The following SDHA variants were observed in gnomAD, a reference collection of about 807,000 sequenced individuals.
SDHA encodes the protein succinate dehydrogenase complex flavoprotein subunit A.
A neutral mutation model predicts 78.4 loss-of-function variants in SDHA; 48 were observed. That is an observed-to-expected ratio of 0.61 (90% CI 0.49 to 0.78). The LOEUF (loss-of-function observed/expected upper bound fraction) is 0.78, where lower values mean the gene tolerates loss of function less well. SDHA is among the 30% of genes least tolerant of loss of function. The probability of loss-of-function intolerance (pLI) is 0.00; values close to 1 mark genes in which losing one functional copy is unlikely to be tolerated. For missense variants in SDHA, 680 were observed against 892.7 expected (o/e 0.76, Z 3.04); for synonymous variants, 326 against 353.9 (o/e 0.92, Z 0.88).
chr5:234,491 A>G (rs1017559212), intron 8 of SDHA: 2 of 153,678 alleles, frequency 1.3e-5, no homozygotes, highest in African/African-American at 4.9e-5. Context: ...CTCCGTACCC[A>G]TTGGTTCCAC....
At chr5:223,639 G>T (rs1734840706) in intron 2 of SDHA, 71 bp downstream of exon 2, 18 of 1,129,322 alleles carry the variant, frequency 1.6e-5, no homozygotes, top group South Asian at 3.7e-5. Flanking sequence ...ATACCAGTTT[G>T]TTTTCATATG....
At chr5:255,329 CTG>C (rs1353143346) in intron 14 of SDHA, among the ~76,000 whole-genome samples, 2 of 151,754 alleles carry the variant, frequency 1.3e-5, no homozygotes, top group Non-Finnish European at 2.9e-5. Context: ...TCTAGTGTGT[CTG>C]TGATTCAGGC....
chr5:237,987 A>C (rs10035598), intron 10 of SDHA, among the ~76,000 whole-genome samples: 2 of 134,452 alleles, frequency 1.5e-5, no homozygotes, highest in Non-Finnish European at 3.0e-5. Context: ...ACTTTGTCGC[A>C]GTGAGGACTG....
At chr5:218,959 G>A (rs1734551941) in intron 1 of SDHA, among the ~76,000 whole-genome samples, 1 of 152,080 alleles carries the variant, frequency 6.6e-6, no homozygotes, top group South Asian at 2.1e-4. Context: ...TGGGCGTCCG[G>A]TGGGAAGCGT....
At chr5:231,702 A>C (rs1735414759) in intron 7 of SDHA, among the ~76,000 whole-genome samples, 2 of 152,048 alleles carry the variant, frequency 1.3e-5, no homozygotes, top group Admixed American at 1.3e-4. Context: ...ACCGGGGTTT[A>C]CTGAGTGAAC....
downstream of SDHA, among the ~76,000 whole-genome samples, chr5:257,305 C>G (rs62344345): frequency 9.4e-4 from 143 of 152,014 alleles, no homozygotes; most frequent in African/African-American, 3.3e-3. Context: ...AGCAGTGGGC[C>G]GGTGAGCTAC....
chr5:228,698 G>A (rs1477596684), intron 6 of SDHA, among the ~76,000 whole-genome samples: 1 of 152,134 alleles, frequency 6.6e-6, no homozygotes, highest in African/African-American at 2.4e-5. Flanking sequence ...TTCCTCGGGT[G>A]GGTAAGTCCT....
chr5:234,756 G>C, intron 8 of SDHA: 1 of 313,640 alleles, frequency 3.2e-6, no homozygotes, highest in East Asian at 7.6e-5. Flanking sequence ...TTTTATATTA[G>C]GGACTTGAGC....
At chr5:218,820 T>TGGCTG (rs1392801478) in intron 1 of SDHA, among the ~76,000 whole-genome samples, 1 of 152,028 alleles carries the variant, frequency 6.6e-6, no homozygotes, top group East Asian at 1.9e-4. Context: ...GTGGCCGCCC[T>TGGCTG]GGCTGGGCTG....
Position 256,823 on chromosome 5 carries a change from C to CTTTTTT in SDHA, c.*407_*408insTTTTTT, listed in dbSNP as rs758468864. The CTTTTTT allele has an allele frequency of 2.6e-4, 60 of 227,804 alleles. 8 individuals are homozygous for CTTTTTT. The highest frequency in any genetic ancestry group is 3.1e-4 in the Non-Finnish European group (37 of 119,170). 14.1% of individuals were successfully genotyped at this position (227,804 alleles called of 1,614,324 possible). A position where few individuals can be genotyped will look rare whatever the true frequency, so the allele number is the denominator to read the frequency against. ...TTTGTATAGTTTCTTTTTTCTTTTTCTTTTCTTTTTTTTTTTTGAGACAGG... is the reference window on the plus strand; with the variant it reads ...TTTGTATAGTTTCTTTTTTCTTTTTCTTTTTTTTTTCTTTTTTTTTTTTGAGACAGG... On this transcript the variant is annotated 3_prime_UTR_variant, in exon 15 of 15. Coordinates refer to ENST00000264932, the MANE Select transcript of SDHA (RefSeq NM_004168.4).
chr5:262,641 T>C, the SDHA span, among the ~76,000 whole-genome samples: 1 of 152,236 alleles, frequency 6.6e-6, no homozygotes, highest in African/African-American at 2.4e-5. Flanking sequence ...AACCAGTCCC[T>C]GGTGCCAACA....
intron 11 of SDHA, among the ~76,000 whole-genome samples, chr5:248,214 A>G (rs1183043664): frequency 6.6e-6 from 1 of 151,070 alleles, no homozygotes; most frequent in African/African-American, 2.4e-5. Context: ...ATGAGCTGAC[A>G]CTGAGGAAGA....
At chr5:261,677 G>C (rs1371930813), downstream of SDHA, among the ~76,000 whole-genome samples, 1 of 76,404 alleles carries the variant, frequency 1.3e-5, no homozygotes, top group Admixed American at 1.2e-4. Context: ...TCCGCCTCCC[G>C]TCACAGCATT....
chr5:241,141 C>G (rs1004762680), intron 11 of SDHA, among the ~76,000 whole-genome samples: 1 of 152,156 alleles, frequency 6.6e-6, no homozygotes, highest in African/African-American at 2.4e-5. Context: ...GACTGCTTGG[C>G]ATCCAGGACA....
rs892273080 is a variant in SDHA at position 231,008 on chromosome 5, A to G, written c.895+8A>G. 6.2e-7 allele frequency: 1 copy of G among 1,613,794 alleles called. No homozygotes were observed. On this transcript the variant is annotated splice_region_variant and intron_variant, in intron 7 of 14. Coordinates refer to ENST00000264932, the MANE Select transcript of SDHA (RefSeq NM_004168.4). ...TTCAGTTCCACCCTACAGGTAGGGC[A>G]GGACGCCTTGCCCGGCAGGTGTTTG... is the stretch of plus-strand genomic sequence containing the variant.
At chr5:267,575 C>T in the SDHA span, among the ~76,000 whole-genome samples, 1 of 152,190 alleles carries the variant, frequency 6.6e-6, no homozygotes, top group Non-Finnish European at 1.5e-5. Context: ...CTATGGAAAG[C>T]CTCAGGAACA....
At position 218,322 on chromosome 5, in the gene SDHA, G is replaced by A. The variant is rs767229800; in HGVS notation, c.-34G>A. The A allele has an allele frequency of 1.7e-5, 25 of 1,440,230 alleles. 1 individual carries two copies. In the South Asian group the frequency reaches 3.3e-4, roughly 19 times the overall value. 89.2% of individuals were successfully genotyped at this position (1,440,230 alleles called of 1,614,324 possible). On this transcript the variant is annotated 5_prime_UTR_variant, in exon 1 of 15. Coordinates refer to ENST00000264932, the MANE Select transcript of SDHA (RefSeq NM_004168.4). The stretch of plus-strand genomic sequence containing the variant: ...TGGTGCGCAGGCGCAGTCTGCGCAG[G>A]GACTGGCGGGACTGCGCGGCGGCAA...
At chr5:268,415 C>G in the SDHA span, among the ~76,000 whole-genome samples, 3 of 152,290 alleles carry the variant, frequency 2.0e-5, no homozygotes, top group Middle Eastern at 3.4e-3. Flanking sequence ...ATCCACCCGC[C>G]TCAGCCTCCC....
At chr5:230,365 G>A (rs923890677) in intron 6 of SDHA, among the ~76,000 whole-genome samples, 2 of 152,248 alleles carry the variant, frequency 1.3e-5, no homozygotes, top group East Asian at 1.9e-4. Flanking sequence ...AGTGGCTCAC[G>A]CCTGTAATCC....
Sources: gnomAD v4.1 joint callset for allele counts (sites outside exome capture counted in the v4.1 genomes callset) on GRCh38, gnomAD v4.1.1 for gene constraint, MANE v1.5 for transcripts, NCBI Gene and HGNC (gene_info 2026-07-23, HGNC 2026-07-21) for gene names.